RBM6: variants seen among roughly 807,000 people sequenced by gnomAD.
RBM6 encodes RNA-binding protein 6.
A neutral mutation model predicts 140.4 loss-of-function variants in RBM6; 23 were observed. That is an observed-to-expected ratio of 0.16 (90% CI 0.12 to 0.23). RBM6 has a LOEUF of 0.23. Ranked by LOEUF, RBM6 falls within the 10% of genes least tolerant of loss-of-function variation. RBM6 has a pLI of 1.00. For synonymous variants in RBM6, 439 were observed against 475.6 expected (o/e 0.92, Z 1.00); for missense variants, 1,139 against 1,386.7 (o/e 0.82, Z 2.84).
At chr3:50,011,966 C>A (rs970486978) in intron 6 of RBM6, among the ~76,000 whole-genome samples, 2 of 151,920 alleles carry the variant, frequency 1.3e-5, no homozygotes, top group African/African-American at 4.8e-5. Flanking sequence ...ATTCTCCCAC[C>A]TCAACCTCCT....
intron 4 of RBM6, among the ~76,000 whole-genome samples, chr3:49,974,165 A>G (rs983314094): frequency 1.9e-4 from 28 of 150,628 alleles, no homozygotes; most frequent in African/African-American, 6.3e-4. Context: ...CCAAAGTGCT[A>G]GGATTACAGA....
chr3:50,075,399 T>C (rs1281468340), intron 20 of RBM6, 69 bp downstream of exon 20: 1 of 1,567,014 alleles, frequency 6.4e-7, no homozygotes, highest in East Asian at 2.3e-5. Flanking sequence ...CTTTCTGGCC[T>C]AGAGTGATGT....
chr3:49,962,463 A>G, intron 1 of RBM6, 113 bp from the exon 2 acceptor site: 4 of 601,894 alleles, frequency 6.6e-6, no homozygotes, highest in Non-Finnish European at 1.2e-5. Context: ...GAAAAGAAAG[A>G]CCTTCAAAAT....
At chr3:50,029,594 G>T (rs996138908) in intron 6 of RBM6, among the ~76,000 whole-genome samples, 2 of 152,036 alleles carry the variant, frequency 1.3e-5, no homozygotes, top group African/African-American at 2.4e-5. Flanking sequence ...TTAGCTGGGC[G>T]TGGTGGCGTG....
At chr3:50,020,342 A>G (rs1030764406) in intron 6 of RBM6, among the ~76,000 whole-genome samples, 4 of 152,008 alleles carry the variant, frequency 2.6e-5, no homozygotes, top group South Asian at 2.1e-4. Context: ...ATTTATCTCT[A>G]TTGATTTACT....
intron 8 of RBM6, among the ~76,000 whole-genome samples, chr3:50,055,038 G>A (rs993300214): frequency 6.6e-6 from 1 of 152,136 alleles, no homozygotes; most frequent in South Asian, 2.1e-4. Flanking sequence ...TAGCCAGGAT[G>A]GTCTCGATCT....
intron 7 of RBM6, among the ~76,000 whole-genome samples, chr3:50,049,682 A>G (rs2089383596): frequency 6.6e-6 from 1 of 152,044 alleles, no homozygotes; most frequent in Admixed American, 6.6e-5. Context: ...TATTTCATGG[A>G]TATACTCCCT....
intron 1 of RBM6, among the ~76,000 whole-genome samples, chr3:49,941,640 C>CAAAAAAAAAAAAAAA (rs1171636981): frequency 5.1e-5 from 3 of 58,726 alleles, no homozygotes; most frequent in African/African-American, 2.2e-4. Flanking sequence ...AACTCTGTCT[C>CAAAAAAAAAAAAAAA]AAAAAAAAAA....
chr3:49,944,228 G>C (rs2083397852), intron 1 of RBM6, among the ~76,000 whole-genome samples: 1 of 152,074 alleles, frequency 6.6e-6, no homozygotes, highest in South Asian at 2.1e-4. Context: ...GGTATCTCAT[G>C]TAAGTGGAAT....
At chr3:49,986,281 A>G (rs1277019791) in intron 5 of RBM6, among the ~76,000 whole-genome samples, 1 of 149,704 alleles carries the variant, frequency 6.7e-6, no homozygotes, top group Non-Finnish European at 1.5e-5. Context: ...GATGTGAGCC[A>G]TTGCGCCCAG....
chr3:50,011,457 T>C (rs1250454724), intron 6 of RBM6, among the ~76,000 whole-genome samples: 1 of 152,200 alleles, frequency 6.6e-6, no homozygotes, highest in Non-Finnish European at 1.5e-5. Context: ...TAAGAAATCC[T>C]TGGACTAATT....
At chr3:50,039,241 T>C (rs1418249261) in intron 6 of RBM6, among the ~76,000 whole-genome samples, 1 of 152,062 alleles carries the variant, frequency 6.6e-6, no homozygotes, top group Non-Finnish European at 1.5e-5. Flanking sequence ...ATTATTATTA[T>C]TTATTTATTT....
At chr3:50,054,590 C>A (rs1174952411) in intron 8 of RBM6, among the ~76,000 whole-genome samples, 195 bp downstream of exon 8, 1 of 151,620 alleles carries the variant, frequency 6.6e-6, no homozygotes, top group African/African-American at 2.4e-5. Flanking sequence ...ACTGCAACCT[C>A]CAGCTCCCAG....
intron 15 of RBM6, 71 bp from the exon 16 acceptor site, chr3:50,064,960 C>T: frequency 1.5e-6 from 2 of 1,339,714 alleles, no homozygotes; most frequent in South Asian, 1.2e-5. Context: ...GCGTGAGCCA[C>T]CGCACCCAGC....
Position 49,968,474 on chromosome 3 carries a change from A to C in RBM6, c.1049A>C (p.Glu350Ala). Reference protein sequence around the residue: ...REGETQGVAFEHESPADFQNS... With the variant: ...REGETQGVAFAHESPADFQNS... ...GGAGAAACACAAGGTGTAGCCTTTGAACATGAGTCTCCAGCAGACTTTCAG... is the reference window on the plus strand; with the variant it reads ...GGAGAAACACAAGGTGTAGCCTTTGCACATGAGTCTCCAGCAGACTTTCAG... The change falls in exon 3 of 21, where the codon GAA becomes GCA. Residue 350 changes from glutamate (E) to alanine (A), a missense_variant. Glu to Ala is a moderately radical substitution (Grantham distance 107). Transcript: ENST00000266022. 1 of 1,614,216 alleles carries C rather than the reference A, an allele frequency of 6.2e-7. No individual in the cohort carries two copies. Among genetic ancestry groups the C allele is most frequent in the Non-Finnish European group, 8.5e-7 (1 of 1,180,042 alleles).
At chr3:49,969,747 G>T (rs1051990918) in intron 3 of RBM6, among the ~76,000 whole-genome samples, 34 of 149,982 alleles carry the variant, frequency 2.3e-4, no homozygotes, top group African/African-American at 8.1e-4. Context: ...ACAGATGTGC[G>T]CCAGCCACTA....
chr3:50,061,700 A>G (rs2089950155), intron 14 of RBM6, 153 bp downstream of exon 14: 2 of 1,435,354 alleles, frequency 1.4e-6, no homozygotes, highest in East Asian at 4.9e-5. Flanking sequence ...AGATCTATGG[A>G]AACAGAACTG....
intron 6 of RBM6, among the ~76,000 whole-genome samples, chr3:50,031,523 T>C (rs977273779): frequency 1.3e-5 from 2 of 151,822 alleles, no homozygotes; most frequent in Non-Finnish European, 2.9e-5. Flanking sequence ...TACGTGGGAA[T>C]TGAACAATGA....
intron 6 of RBM6, among the ~76,000 whole-genome samples, chr3:50,029,145 T>A (rs2088001585): frequency 6.6e-6 from 1 of 152,184 alleles, no homozygotes; most frequent in African/African-American, 2.4e-5. Context: ...TTTAAAAGTT[T>A]AATTTGATGA....
Sources: allele counts gnomAD v4.1 joint callset (sites outside exome capture counted in the v4.1 genomes callset), GRCh38; gene constraint gnomAD v4.1.1; transcripts MANE v1.5; gene names NCBI Gene and HGNC (gene_info 2026-07-23, HGNC 2026-07-21).